Variants in C7orf33 observed in about 807,000 individuals in gnomAD.
The protein encoded by C7orf33 is chromosome 7 open reading frame 33, also known as uncharacterized protein C7orf33.
Under a neutral mutation model 13.4 loss-of-function variants are expected in C7orf33, and 15 were observed. That is an observed-to-expected ratio of 1.12 (90% CI 0.75 to 1.72). The LOEUF (loss-of-function observed/expected upper bound fraction) is 1.72. C7orf33 is among the 40% of genes most tolerant of loss of function. C7orf33 has a pLI of 0.00. For missense variants in C7orf33, 187 were observed against 220.3 expected (o/e 0.85, Z 0.96); for synonymous variants, 73 against 83.2 (o/e 0.88, Z 0.67).
intron 1 of C7orf33, among the ~76,000 whole-genome samples, chr7:148,610,045 T>A (rs763569734): frequency 2.0e-5 from 3 of 152,228 alleles, no homozygotes; most frequent in Non-Finnish European, 4.4e-5. Flanking sequence ...GTGCAGGTTC[T>A]GCAAGAGGCA....
chr7:148,600,925 C>T (rs1209564094), intron 1 of C7orf33, among the ~76,000 whole-genome samples: 10 of 151,402 alleles, frequency 6.6e-5, no homozygotes, highest in Non-Finnish European at 8.8e-5. Context: ...GCCTCAGCCT[C>T]CTGAGTAGCT....
intron 1 of C7orf33, among the ~76,000 whole-genome samples, chr7:148,604,388 C>A (rs183820849): frequency 1.4e-4 from 22 of 152,184 alleles, no homozygotes; most frequent in African/African-American, 5.1e-4. Flanking sequence ...CGGCCTCCCA[C>A]AGTGCTGGGA....
chr7:148,595,769 A>C (rs1796333182), intron 1 of C7orf33, among the ~76,000 whole-genome samples: 1 of 145,288 alleles, frequency 6.9e-6, no homozygotes, highest in African/African-American at 2.5e-5. Context: ...ATATATCTAT[A>C]TCTCAAGCAG....
intron 1 of C7orf33, among the ~76,000 whole-genome samples, chr7:148,601,297 A>G (rs560901741): frequency 6.6e-6 from 1 of 152,232 alleles, no homozygotes; most frequent in South Asian, 2.1e-4. Flanking sequence ...TTTAAAATTT[A>G]TGATTCTTTA....
chr7:148,614,430 C>A, intron 2 of C7orf33, 134 bp downstream of exon 2: 1 of 1,033,916 alleles, frequency 9.7e-7, no homozygotes, highest in Non-Finnish European at 1.4e-6. Context: ...TCTGAATGTC[C>A]AGCATGAAAC....
chr7:148,605,363 C>T (rs774530792), intron 1 of C7orf33, among the ~76,000 whole-genome samples: 38 of 152,176 alleles, frequency 2.5e-4, no homozygotes, highest in Non-Finnish European at 4.3e-4. Context: ...CTTCTATGCT[C>T]AGCTTTGTGA....
chr7:148,610,746 C>A (rs916522705), intron 1 of C7orf33, among the ~76,000 whole-genome samples: 1 of 152,104 alleles, frequency 6.6e-6, no homozygotes, highest in African/African-American at 2.4e-5. Flanking sequence ...GGGGGACAAG[C>A]ATTCCTGGGT....
chr7:148,615,446 T>C lies in C7orf33; in HGVS notation c.*45T>C, dbSNP rs57376627. On this transcript the variant is annotated 3_prime_UTR_variant, in exon 3 of 3. Transcript: ENST00000307003. The stretch of plus-strand genomic sequence containing the variant: ...AGTCACATCTCTAAATTTGTGTAGA[T>C]TGTGAAATCTCTTCTTGCAAGAAAA... The C allele has an allele frequency of 1.9e-3, 2,282 of 1,170,958 alleles. 24 individuals carry two copies. In the African/African-American group the frequency reaches 0.026, roughly 13 times the overall value. 72.5% of individuals were successfully genotyped at this position (1,170,958 alleles called of 1,614,324 possible).
Position 148,615,410 on chromosome 7 carries a change from C to T in C7orf33, c.*9C>T. ...GAACTGACAGCAGTTAAGAATTTTG[C>T]AGAATCTAAGAGTCACATCTCTAAA... On this transcript the variant is annotated 3_prime_UTR_variant, in exon 3 of 3. Coordinates refer to ENST00000307003, the MANE Select transcript of C7orf33 (RefSeq NM_145304.4). 6.3e-7 allele frequency: 1 copy of T among 1,589,076 alleles called. No homozygotes were observed.
intron 1 of C7orf33, among the ~76,000 whole-genome samples, chr7:148,591,706 G>A (rs192231262): frequency 1.4e-4 from 21 of 152,132 alleles, no homozygotes; most frequent in Admixed American, 7.8e-4. Flanking sequence ...GGAGCCTCCC[G>A]GGTGGCTAGG....
At chr7:148,593,723 A>T (rs1249771111) in intron 1 of C7orf33, among the ~76,000 whole-genome samples, 1 of 152,186 alleles carries the variant, frequency 6.6e-6, no homozygotes. Context: ...GTCGGGGGAT[A>T]CAGCCTGTTT....
Position 148,615,614 on chromosome 7 carries a change from G to T in C7orf33, c.*213G>T. ...CACGTGTACCTGCAGGAATCTGTGT[G>T]GCATTTGTGCACTGGTGTGGGGCCC... On this transcript the variant is annotated 3_prime_UTR_variant, in exon 3 of 3. Transcript: ENST00000307003. The T allele has an allele frequency of 2.1e-6, 1 of 467,588 alleles. No homozygotes were observed. The highest frequency in any genetic ancestry group is 3.9e-6 in the Non-Finnish European group (1 of 254,528). The allele number at this position is 467,588 out of a possible 1,614,324, so 29.0% of individuals were successfully genotyped here. A position where few individuals can be genotyped will look rare whatever the true frequency, so the allele number is the denominator to read the frequency against.
At chr7:148,607,334 T>C (rs1796485541) in intron 1 of C7orf33, among the ~76,000 whole-genome samples, 2 of 152,192 alleles carry the variant, frequency 1.3e-5, no homozygotes, top group Non-Finnish European at 2.9e-5. Flanking sequence ...GGATGTCTTT[T>C]ATCTTGTAAA....
chr7:148,607,364 C>T (rs1332491933), intron 1 of C7orf33, among the ~76,000 whole-genome samples: 2 of 152,120 alleles, frequency 1.3e-5, no homozygotes, highest in Admixed American at 6.5e-5. Context: ...TGCATTTAAG[C>T]AAATGGAGGG....
intron 2 of C7orf33, 50 bp from the exon 3 acceptor site, chr7:148,615,276 GA>G: frequency 3.2e-6 from 4 of 1,241,578 alleles, no homozygotes; most frequent in Non-Finnish European, 4.8e-6. Context: ...ATGTTCTAGG[GA>G]AAAGGTAAAT....
In C7orf33 at chr7:148,591,009, G is replaced by A; in HGVS notation, c.84G>A (p.Leu28=). 1 of 1,614,194 alleles carries A rather than the reference G, an allele frequency of 6.2e-7. No individual in the cohort carries two copies. The highest frequency in any genetic ancestry group is 8.5e-7 in the Non-Finnish European group (1 of 1,180,026). The change falls in exon 1 of 3, where the codon CTG becomes CTA. Residue 28 remains leucine (L), a synonymous_variant. Transcript: ENST00000307003. ...CCCAATGTGAATGTGAAGCCCTCCT[G>A]CCCAGTGGGGCAAGGCGCCGGATTG... ...PGPQCECEAL[L]PSGARRRIDL... is the part of the protein sequence containing the mutation.
chr7:148,597,641 T>C (rs753425843), intron 1 of C7orf33, among the ~76,000 whole-genome samples: 1 of 152,196 alleles, frequency 6.6e-6, no homozygotes, highest in Non-Finnish European at 1.5e-5. Context: ...CATGCTACTA[T>C]CCAGCATACT....
At chr7:148,599,696 A>G (rs1182421383) in intron 1 of C7orf33, among the ~76,000 whole-genome samples, 5 of 152,018 alleles carry the variant, frequency 3.3e-5, no homozygotes, top group African/African-American at 1.2e-4. Context: ...GCTGGTCTCG[A>G]AATCCTGACC....
chr7:148,612,203 A>AT (rs141795898), intron 1 of C7orf33, among the ~76,000 whole-genome samples: 3,417 of 150,704 alleles, frequency 0.023, 46 homozygotes, highest in African/African-American at 0.038. Context: ...TTAGCCAGTG[A>AT]TTTTTTTTTT....
Sources: gnomAD v4.1 joint callset for allele counts (sites outside exome capture counted in the v4.1 genomes callset) on GRCh38, gnomAD v4.1.1 for gene constraint, MANE v1.5 for transcripts, NCBI Gene and HGNC (gene_info 2026-07-23, HGNC 2026-07-21) for gene names.